The following SNX6 variants were observed in gnomAD, a reference collection of about 807,000 sequenced individuals.
SNX6 encodes the protein sorting nexin-6.
A neutral mutation model predicts 63.0 loss-of-function variants in SNX6; 34 were observed. That is an observed-to-expected ratio of 0.54 (90% CI 0.41 to 0.72). The LOEUF is 0.72. SNX6 is among the 30% of genes least tolerant of loss of function. The pLI, the probability that SNX6 is intolerant of heterozygous loss-of-function variation, is 0.00. For missense variants in SNX6, 398 were observed against 471.4 expected, an observed-to-expected ratio of 0.84 and a Z score of 1.44; for synonymous variants, 170 against 164.2, an observed-to-expected ratio of 1.04 and a Z score of -0.27.
chr14:34,581,454 A>G, intron 10 of SNX6, 107 bp downstream of exon 10: 1 of 603,624 alleles, frequency 1.7e-6, no homozygotes, highest in Non-Finnish European at 3.0e-6. Context: ...CCTGGCCAAT[A>G]GTGATCACTC....
At chr14:34,576,767 C>CA (rs1881725875) in intron 10 of SNX6, among the ~76,000 whole-genome samples, 2 of 151,584 alleles carry the variant, frequency 1.3e-5, no homozygotes, top group Admixed American at 6.6e-5. Flanking sequence ...TAATGAGTTT[C>CA]AATATGATCT....
intron 4 of SNX6, among the ~76,000 whole-genome samples, chr14:34,606,194 ATCTT>A (rs1883009615): frequency 3.4e-5 from 4 of 119,230 alleles, no homozygotes; most frequent in Non-Finnish European, 7.4e-5. Flanking sequence ...AAGTTATCTA[ATCTT>A]TTTTTTTTTT....
chr14:34,582,079 G>C (rs1026453106), intron 9 of SNX6, among the ~76,000 whole-genome samples: 1 of 151,278 alleles, frequency 6.6e-6, no homozygotes, highest in Non-Finnish European at 1.5e-5. Context: ...CGCCCGCCTC[G>C]GCCTCCCAAA....
rs1880990432 is a variant in SNX6 at position 34,562,849 on chromosome 14, T to C, written c.*273A>G. The C allele has an allele frequency of 2.4e-6, 1 of 414,454 alleles. No individual in the cohort carries two copies. Among genetic ancestry groups the C allele is most frequent in the East Asian group, 3.9e-5 (1 of 25,618 alleles). 25.7% of individuals were successfully genotyped at this position (414,454 alleles called of 1,614,324 possible). ...ATAAAATAAACAGAGTTATAGAGGC[T>C]ACTTTAAAGAAGAATGAACTTTGGA... On this transcript the variant is annotated 3_prime_UTR_variant, in exon 14 of 14. Coordinates refer to ENST00000362031, the MANE Select transcript of SNX6 (RefSeq NM_152233.4).
At chr14:34,600,056 T>C (rs1882748218) in intron 6 of SNX6, among the ~76,000 whole-genome samples, 1 of 152,190 alleles carries the variant, frequency 6.6e-6, no homozygotes, top group African/African-American at 2.4e-5. Context: ...CTTATTCCAA[T>C]CCATTCTGTT....
chr14:34,578,963 A>AG (rs1881828050), intron 10 of SNX6, among the ~76,000 whole-genome samples: 5 of 148,572 alleles, frequency 3.4e-5, no homozygotes, highest in African/African-American at 1.2e-4. Flanking sequence ...AAAAAAAAAA[A>AG]AAAGGTTAAA....
At chr14:34,620,435 G>A (rs1350246930) in intron 2 of SNX6, among the ~76,000 whole-genome samples, 1 of 151,998 alleles carries the variant, frequency 6.6e-6, no homozygotes, top group Non-Finnish European at 1.5e-5. Flanking sequence ...GAGCTGTGAT[G>A]GTGCCACTAC....
chr14:34,618,680 G>T (rs537444295), intron 2 of SNX6, among the ~76,000 whole-genome samples: 6 of 151,952 alleles, frequency 3.9e-5, no homozygotes, highest in Admixed American at 1.3e-4. Flanking sequence ...ACATGCTGCC[G>T]TCTCAGGGAG....
intron 11 of SNX6, among the ~76,000 whole-genome samples, chr14:34,569,699 G>A (rs890557507): frequency 2.0e-5 from 3 of 152,164 alleles, no homozygotes; most frequent in Non-Finnish European, 4.4e-5. Context: ...CATGTTTCAA[G>A]TTCATCTATG....
chr14:34,600,836 G>C (rs190175775), intron 6 of SNX6, among the ~76,000 whole-genome samples: 1 of 152,014 alleles, frequency 6.6e-6, no homozygotes, highest in Non-Finnish European at 1.5e-5. Flanking sequence ...TCAGGAGTTC[G>C]AGACCAGCCT....
Position 34,619,774 on chromosome 14 carries a change from T to C in SNX6, c.55-10032A>G, listed in dbSNP as rs144437917. On this transcript the variant is annotated intron_variant, in intron 2 of 13. Transcript: ENST00000362031. ...TCGGCACTCCCTCTGCTTCACTCCA[T>C]GAATGCCATTCCAATACCTTTCCTG... 4.6e-3 allele frequency among the ~76,000 whole-genome samples: 706 copies of C among 152,324 alleles called. 5 individuals are homozygous for C. Among genetic ancestry groups the C allele is most frequent in the Middle Eastern group, 0.02 (6 of 294 alleles).
At chr14:34,563,291 GCT>G (rs140645217) in intron 13 of SNX6, 116 bp from the exon 14 acceptor site, 31 of 937,366 alleles carry the variant, frequency 3.3e-5, no homozygotes, top group Non-Finnish European at 5.0e-5. Flanking sequence ...GGGCGCGGTG[GCT>G]CATGCCTGTA....
rs769569157 is a variant in SNX6 at position 34,567,737 on chromosome 14, T to G, written c.1116A>C (p.Ala372=). 6.2e-7 allele frequency: 1 copy of G among 1,613,956 alleles called. No individual in the cohort carries two copies. The highest frequency in any genetic ancestry group is 8.5e-7 in the Non-Finnish European group (1 of 1,179,862). The change falls in exon 13 of 14, where the codon GCA becomes GCC. Residue 372 remains alanine, a synonymous_variant. Coordinates refer to ENST00000362031, the MANE Select transcript of SNX6 (RefSeq NM_152233.4). ...LIDFKTRRVA[A]FRKNLVELAE... is the part of the protein sequence containing the mutation. ...CCAGTTCCACTAAATTTTTTCTGAATGCAGCAACTCTTCTTGTCTTAAAAT... is the reference window on the plus strand; with the variant it reads ...CCAGTTCCACTAAATTTTTTCTGAAGGCAGCAACTCTTCTTGTCTTAAAAT...
At chr14:34,598,692 A>C (rs2138333041) in intron 6 of SNX6, among the ~76,000 whole-genome samples, 1 of 152,278 alleles carries the variant, frequency 6.6e-6, no homozygotes, top group South Asian at 2.1e-4. Flanking sequence ...CCATATCTTG[A>C]AGCTTAACCC....
chr14:34,569,162 G>A, intron 11 of SNX6: 1 of 762,946 alleles, frequency 1.3e-6, no homozygotes. Context: ...GCCAGCCAGG[G>A]GAAAGGGCTC....
At chr14:34,571,216 G>A (rs1218571733) in intron 11 of SNX6, among the ~76,000 whole-genome samples, 1 of 151,606 alleles carries the variant, frequency 6.6e-6, no homozygotes, top group African/African-American at 2.4e-5. Context: ...GGTGGATCAC[G>A]AGGTCAGGAG....
chr14:34,588,977 T>G (rs1882284346), intron 8 of SNX6, among the ~76,000 whole-genome samples: 1 of 151,438 alleles, frequency 6.6e-6, no homozygotes, highest in African/African-American at 2.4e-5. Context: ...CTACTAAAAA[T>G]GCAAAAATTA....
At chr14:34,608,337 AT>A (rs1883099660) in intron 3 of SNX6, among the ~76,000 whole-genome samples, 197 bp from the exon 4 acceptor site, 1 of 151,968 alleles carries the variant, frequency 6.6e-6, no homozygotes, top group Non-Finnish European at 1.5e-5. Context: ...GGCTAATTTT[AT>A]TTTTTGTAAA....
chr14:34,589,900 CAGG>C (rs757281132), intron 8 of SNX6, among the ~76,000 whole-genome samples: 31 of 152,094 alleles, frequency 2.0e-4, no homozygotes, highest in Middle Eastern at 3.4e-3. Context: ...TGCTTGAGTC[CAGG>C]AGTTCAAGAC....
Sources: gnomAD v4.1 joint callset for allele counts (sites outside exome capture counted in the v4.1 genomes callset) on GRCh38, gnomAD v4.1.1 for gene constraint, MANE v1.5 for transcripts, NCBI Gene and HGNC (gene_info 2026-07-23, HGNC 2026-07-21) for gene names.